DNAH9: variants seen among roughly 807,000 people sequenced by gnomAD.
DNAH9 encodes dynein axonemal heavy chain 9, also known as DNAH9 variant protein.
A neutral mutation model predicts 471.6 loss-of-function variants in DNAH9; 345 were observed. The ratio of observed to expected loss-of-function variants is 0.73; its 90% CI spans 0.67 to 0.80. The LOEUF (loss-of-function observed/expected upper bound fraction) is 0.80, where lower values mean the gene tolerates loss of function less well. Ranked by LOEUF, DNAH9 falls within the 30% of genes least tolerant of loss-of-function variation. The pLI is 0.00. For missense variants in DNAH9, 5,407 were observed against 5,609.2 expected (o/e 0.96, Z 1.15); for synonymous variants, 2,093 against 2,123.6 (o/e 0.99, Z 0.40).
intron 6 of DNAH9, among the ~76,000 whole-genome samples, chr17:11,627,791 G>A (rs927714187): frequency 6.6e-6 from 1 of 152,078 alleles, no homozygotes; most frequent in Non-Finnish European, 1.5e-5. Flanking sequence ...GCAAAAACAG[G>A]CTTGTTAGAT....
chr17:11,821,974 T>A lies in DNAH9; in HGVS notation c.8762T>A (p.Val2921Glu). 1 of 1,614,122 alleles carries A rather than the reference T, an allele frequency of 6.2e-7. No individual in the cohort carries two copies. The highest frequency in any genetic ancestry group is 1.3e-5 in the African/African-American group (1 of 75,018). The change falls in exon 46 of 69, where the codon GTG becomes GAG. Residue 2921 changes from valine (V) to glutamate (E), a missense_variant. By Grantham distance (121) the Val-to-Glu change is moderately radical. Around this residue, in one of 3 missense-constraint regions of DNAH9, gnomAD observed 4,636 missense variants for 4,900.3 expected, o/e 0.95. Coordinates refer to ENST00000262442, the MANE Select transcript of DNAH9 (RefSeq NM_001372.4). Reference sequence around the variant, plus strand: ...GAAGTTGAAAACATCATAAGCAATGTGAGGAATGAAGTCAAGAGCCAGGGT... The same window carrying A: ...GAAGTTGAAAACATCATAAGCAATGAGAGGAATGAAGTCAAGAGCCAGGGT... ...DDEVENIISN[V>E]RNEVKSQGLV...
chr17:11,881,514 G>A lies in DNAH9; in HGVS notation c.10806+101G>A, dbSNP rs369918494. 22 of 1,198,566 alleles carry A rather than the reference G, an allele frequency of 1.8e-5. 2 individuals carry two copies. The highest frequency in any genetic ancestry group is 5.3e-5 in the Admixed American group (2 of 37,702). 74.2% of individuals were successfully genotyped at this position (1,198,566 alleles called of 1,614,324 possible). A position where few individuals can be genotyped will look rare whatever the true frequency, so the allele number is the denominator to read the frequency against. On this transcript the variant is annotated intron_variant, in intron 55 of 68. Coordinates refer to ENST00000262442, the MANE Select transcript of DNAH9 (RefSeq NM_001372.4). Reference sequence around the variant, plus strand: ...GGGCTGTTTTTCCTGGATTGAGTTAGGTGGGTTCTGCTAGACTCTGGAAGA... The same window carrying A: ...GGGCTGTTTTTCCTGGATTGAGTTAAGTGGGTTCTGCTAGACTCTGGAAGA...
intron 41 of DNAH9, among the ~76,000 whole-genome samples, chr17:11,789,154 T>C (rs1215177272): frequency 6.6e-6 from 1 of 152,058 alleles, no homozygotes; most frequent in Non-Finnish European, 1.5e-5. Flanking sequence ...AATTTTTGAA[T>C]CTGTATTCAT....
intron 4 of DNAH9, among the ~76,000 whole-genome samples, chr17:11,616,731 G>A (rs868275487): frequency 5.3e-5 from 8 of 152,106 alleles, no homozygotes; most frequent in East Asian, 1.9e-4. Context: ...TGTGCACAAC[G>A]TACAGCTTTG....
intron 53 of DNAH9, among the ~76,000 whole-genome samples, chr17:11,877,565 C>T (rs1346041369): frequency 6.6e-6 from 1 of 150,612 alleles, no homozygotes; most frequent in Non-Finnish European, 1.5e-5. Context: ...TTTATCCACT[C>T]CAGCAAACAG....
intron 6 of DNAH9, among the ~76,000 whole-genome samples, chr17:11,620,242 C>T (rs140065671): frequency 6.6e-6 from 1 of 152,114 alleles, no homozygotes; most frequent in Non-Finnish European, 1.5e-5. Flanking sequence ...GCCAGGCATG[C>T]GGTGGCTCAT....
intron 63 of DNAH9, 45 bp downstream of exon 63, chr17:11,930,138 T>C: frequency 1.3e-6 from 2 of 1,520,768 alleles, no homozygotes; most frequent in Non-Finnish European, 1.8e-6. Flanking sequence ...CACCTCACAG[T>C]CAGCTGATGC....
At chr17:11,931,962 C>CG in intron 63 of DNAH9, 52 bp from the exon 64 acceptor site, 1 of 1,591,294 alleles carries the variant, frequency 6.3e-7, no homozygotes, top group South Asian at 1.1e-5. Flanking sequence ...CCTAGCCAGC[C>CG]CCGTATAAGA....
chr17:11,763,186 G>T (rs928739393), intron 35 of DNAH9, among the ~76,000 whole-genome samples: 1 of 152,140 alleles, frequency 6.6e-6, no homozygotes, highest in East Asian at 1.9e-4. Context: ...AGAAGTGGGA[G>T]GGGGAGGGTG....
chr17:11,693,956 A>T lies in DNAH9; in HGVS notation c.4703A>T (p.Asn1568Ile). Residue 1568 changes from asparagine to isoleucine, a missense_variant, in exon 21 of 69, where the codon AAC (asparagine) becomes ATC (isoleucine). By Grantham distance (149) the Asn-to-Ile change is moderately radical. Around this residue, in one of 3 missense-constraint regions of DNAH9, gnomAD observed 4,636 missense variants for 4,900.3 expected, o/e 0.95. Transcript: ENST00000262442. ...ATTCCAAATGTAGTGCAAACCACCA[A>T]CAAGCCAGGCCTGTATGAAAAGCTG... ...QKIPNVVQTT[N>I]KPGLYEKLED... 6.2e-7 allele frequency: 1 copy of T among 1,614,228 alleles called. No homozygotes were observed. Among genetic ancestry groups the T allele is most frequent in the Non-Finnish European group, 8.5e-7 (1 of 1,180,038 alleles).
In DNAH9 at chr17:11,937,290, G is replaced by A. The variant is rs1287499893; in HGVS notation, c.12490-62G>A. The A allele has an allele frequency of 7.8e-6, 12 of 1,546,878 alleles. No individual in the cohort carries two copies. The highest frequency in any genetic ancestry group is 4.5e-5 in the East Asian group (2 of 44,264). ...ATGGACTCCCTGCAGAGGACAAGCC[G>A]GTGTGGGAGATGGGAGGTACGTCCT... On this transcript the variant is annotated intron_variant, in intron 65 of 68. Transcript: ENST00000262442. The surrounding 1 kb of genome is among the most constrained non-coding windows in gnomAD (Gnocchi z 4.1).
chr17:11,934,182 G>A, intron 65 of DNAH9, 111 bp downstream of exon 65: 3 of 1,220,250 alleles, frequency 2.5e-6, no homozygotes, highest in Non-Finnish European at 1.1e-6. Flanking sequence ...ACATCACCAT[G>A]GGCTGCAGGC....
chr17:11,806,624 C>T (rs1291956637), intron 43 of DNAH9, among the ~76,000 whole-genome samples: 4 of 151,294 alleles, frequency 2.6e-5, no homozygotes, highest in African/African-American at 4.9e-5. Context: ...TTTTAAAATA[C>T]ACATAACAGA....
intron 59 of DNAH9, among the ~76,000 whole-genome samples, chr17:11,895,191 G>T (rs4792191): frequency 6.6e-6 from 1 of 151,914 alleles, no homozygotes; most frequent in African/African-American, 2.4e-5. Flanking sequence ...AAACTATAAG[G>T]TTCTTTCAGT....
chr17:11,622,189 G>C (rs1168278202), intron 6 of DNAH9, among the ~76,000 whole-genome samples: 1 of 152,090 alleles, frequency 6.6e-6, no homozygotes, highest in Non-Finnish European at 1.5e-5. Context: ...GAGAAAATCA[G>C]TTGTGAAACT....
chr17:11,931,282 G>A (rs773807551), intron 63 of DNAH9, among the ~76,000 whole-genome samples: 2 of 152,200 alleles, frequency 1.3e-5, no homozygotes, highest in Non-Finnish European at 2.9e-5. Flanking sequence ...TAGTACCAGT[G>A]CATCTCAGGT....
At chr17:11,759,063 T>C (rs927064098) in intron 35 of DNAH9, among the ~76,000 whole-genome samples, 5 of 148,652 alleles carry the variant, frequency 3.4e-5, no homozygotes, top group African/African-American at 1.2e-4. Flanking sequence ...GGTAAGGTTT[T>C]AGGAAAATAG....
At chr17:11,779,268 C>T (rs994440220) in intron 38 of DNAH9, among the ~76,000 whole-genome samples, 1 of 152,094 alleles carries the variant, frequency 6.6e-6, no homozygotes, top group Admixed American at 6.5e-5. Context: ...GAGAGGGTCA[C>T]ATTTCTTTAC....
At chr17:11,664,759 A>G in intron 14 of DNAH9, 74 bp from the exon 15 acceptor site, 1 of 1,277,806 alleles carries the variant, frequency 7.8e-7, no homozygotes, top group Non-Finnish European at 1.1e-6. Context: ...TGTTGTTTTT[A>G]TTTTGACTGT....
Sources: gnomAD v4.1 joint callset for allele counts (sites outside exome capture counted in the v4.1 genomes callset) on GRCh38, gnomAD v4.1.1 for gene constraint, gnomAD v4.1.1 regional missense constraint, Gnocchi (gnomAD v3.1) non-coding constraint, MANE v1.5 for transcripts, NCBI Gene and HGNC (gene_info 2026-07-23, HGNC 2026-07-21) for gene names.